The following POMZP3 variants were observed in gnomAD, a reference collection of about 807,000 sequenced individuals.
POMZP3 encodes POM121 and ZP3 fusion.
POMZP3 carries 10 observed loss-of-function variants against 19.8 expected under a neutral mutation model. That is an observed-to-expected ratio of 0.51 (90% CI 0.31 to 0.86). The LOEUF (loss-of-function observed/expected upper bound fraction) is 0.86, where lower values mean the gene tolerates loss of function less well. POMZP3 is among the 40% of genes least tolerant of loss of function. The pLI, the probability that POMZP3 is intolerant of heterozygous loss-of-function variation, is 0.04. For synonymous variants in POMZP3, 57 were observed against 85.8 expected (o/e 0.66, Z 1.85); for missense variants, 152 against 228.1 (o/e 0.67, Z 2.15).
chr7:76,618,462 A>G, intron 3 of POMZP3, 162 bp from the exon 4 acceptor site: 2 of 929,778 alleles, frequency 2.2e-6, no homozygotes, highest in Non-Finnish European at 3.3e-6. Flanking sequence ...TCTCTACTAA[A>G]AATACAAAAA....
rs761273614 is a variant in POMZP3 at position 76,625,556 on chromosome 7, G to C, written c.193C>G (p.Gln65Glu). The C allele has an allele frequency of 6.2e-7, 1 of 1,613,282 alleles. No individual in the cohort carries two copies. Among genetic ancestry groups the C allele is most frequent in the South Asian group, 1.1e-5 (1 of 91,030 alleles). The change falls in exon 3 of 7, where the codon CAA (glutamine) becomes GAA (glutamate). Residue 65 changes from glutamine to glutamate, a missense_variant. Coordinates refer to ENST00000310842, the MANE Select transcript of POMZP3 (RefSeq NM_012230.5). ...KKKRTVEEED[Q>E]IFLDGQENKR... is the part of the protein sequence containing the mutation. ...TTTTCCTGGCCATCAAGGAATATTTGGTCTTCTTCCTCCACTGTCCTTTTC... is the reference window on the plus strand; with the variant it reads ...TTTTCCTGGCCATCAAGGAATATTTCGTCTTCTTCCTCCACTGTCCTTTTC...
rs181572769 is a variant in POMZP3 at position 76,623,772 on chromosome 7, G to A, written c.227+1750C>T. Among the ~76,000 whole-genome samples the A allele has an allele frequency of 2.3e-3, 348 of 152,006 alleles. 4 individuals are homozygous for A. Among genetic ancestry groups the A allele is most frequent in the African/African-American group, 7.7e-3 (319 of 41,480 alleles). ...GCCAAGATCGTGCCATTTACACTCC[G>A]GCATGGCTGACAGAGCGAGAATCCG... On this transcript the variant is annotated intron_variant, in intron 3 of 6. Transcript: ENST00000310842.
Position 76,619,070 on chromosome 7 carries a change from G to A in POMZP3, c.228-770C>T, listed in dbSNP as rs189886010. Among the ~76,000 whole-genome samples, 382 of 152,252 alleles carry A rather than the reference G, an allele frequency of 2.5e-3. 3 individuals carry two copies. Among genetic ancestry groups the A allele is most frequent in the Middle Eastern group, 0.01 (3 of 294 alleles). On this transcript the variant is annotated intron_variant, in intron 3 of 6. Coordinates refer to ENST00000310842, the MANE Select transcript of POMZP3 (RefSeq NM_012230.5). The stretch of plus-strand genomic sequence containing the variant: ...CCTAAAGTGCTGAGATTACAGGCAT[G>A]AGCCACCACGCCTGACTGAATTTTT...
intron 4 of POMZP3, among the ~76,000 whole-genome samples, chr7:76,617,692 T>A: frequency 9.3e-6 from 1 of 107,268 alleles, no homozygotes. Context: ...CCTGCCTTTT[T>A]TTTTTTTTGG....
Position 76,613,588 on chromosome 7 carries a change from A to G in POMZP3, c.346-1775T>C, listed in dbSNP as rs1815196900. ...ACTGTAGCCACTACCTCCGAGGTTT[A>G]AGCGATTCTCTTGCCTCAGCCTCCC... On this transcript the variant is annotated intron_variant, in intron 4 of 6. Transcript: ENST00000310842. Among the ~76,000 whole-genome samples the G allele has an allele frequency of 2.6e-5, 2 of 76,704 alleles. 1 individual carries two copies. The highest frequency in any genetic ancestry group is 5.0e-5 in the Non-Finnish European group (2 of 39,862). 50.3% of individuals were successfully genotyped at this position (76,704 alleles called of 152,430 possible).
rs1009477523 is a variant in POMZP3, at chr7:76,623,161, C to T, written c.227+2361G>A. Among the ~76,000 whole-genome samples, 91 of 150,934 alleles carry T rather than the reference C, an allele frequency of 6.0e-4. 1 individual carries two copies. Among genetic ancestry groups the T allele is most frequent in the Non-Finnish European group, 1.2e-3 (78 of 67,662 alleles). ...TGCTGAAATTACAGGTGTGAGCCAC[C>T]GCACCCAGCCCAAATTGATTGTGGT... On this transcript the variant is annotated intron_variant, in intron 3 of 6. Transcript: ENST00000310842.
chr7:76,615,041 C>T (rs1815243168), intron 4 of POMZP3, among the ~76,000 whole-genome samples: 2 of 122,614 alleles, frequency 1.6e-5, no homozygotes, highest in African/African-American at 6.5e-5. Context: ...AGGGTTGTTC[C>T]TTCTTTGTGC....
At chr7:76,618,974 G>C (rs1310153086) in intron 3 of POMZP3, among the ~76,000 whole-genome samples, 1 of 152,068 alleles carries the variant, frequency 6.6e-6, no homozygotes, top group Non-Finnish European at 1.5e-5. Context: ...TTTTTGTCAA[G>C]ATAGGGTCTC....
chr7:76,610,409 T>C (rs549085387), intron 6 of POMZP3, among the ~76,000 whole-genome samples, 194 bp from the exon 7 acceptor site: 9 of 152,230 alleles, frequency 5.9e-5, no homozygotes, highest in South Asian at 2.1e-4. Flanking sequence ...CCAGCACTTT[T>C]TGGGAGGCTG....
At chr7:76,623,138 C>T (rs1815665347) in intron 3 of POMZP3, among the ~76,000 whole-genome samples, 2 of 151,690 alleles carry the variant, frequency 1.3e-5, no homozygotes, top group African/African-American at 4.8e-5. Context: ...TCCCAAAGTG[C>T]TGAAATTACA....
chr7:76,626,662 A>C, intron 1 of POMZP3, 46 bp downstream of exon 1: 1 of 1,370,936 alleles, frequency 7.3e-7, no homozygotes, highest in Non-Finnish European at 9.4e-7. Context: ...CTCGATTTCA[A>C]GCCAGCCGAG....
At position 76,627,272 on chromosome 7, in the gene POMZP3, G is replaced by A. The variant is rs1441420890; in HGVS notation, c.-716C>T. 4.6e-3 allele frequency: 6,230 copies of A among 1,346,698 alleles called. 345 individuals are homozygous for A. The highest frequency in any genetic ancestry group is 5.4e-3 in the Middle Eastern group (20 of 3,710). 83.4% of individuals were successfully genotyped at this position (1,346,698 alleles called of 1,614,324 possible). On this transcript the variant is annotated 5_prime_UTR_variant, in exon 1 of 7. Coordinates refer to ENST00000310842, the MANE Select transcript of POMZP3 (RefSeq NM_012230.5). ...AGACATCGCGGCTCCGCGCCGCGGA[G>A]GAGACTTAAATATCCCAGCGTGCAC...
At chr7:76,616,072 C>A (rs1315673578) in intron 4 of POMZP3, among the ~76,000 whole-genome samples, 2 of 106,418 alleles carry the variant, frequency 1.9e-5, no homozygotes, top group African/African-American at 7.6e-5. Context: ...ATAATGAGGT[C>A]AAGAGTTCAA....
chr7:76,611,493 C>T lies in POMZP3; in HGVS notation c.536G>A (p.Ser179Asn), dbSNP rs1422220835. The change falls in exon 6 of 7, where the codon AGC (serine) becomes AAC (asparagine). Residue 179 changes from serine (S) to asparagine (N), a missense_variant. Coordinates refer to ENST00000310842, the MANE Select transcript of POMZP3 (RefSeq NM_012230.5). ...CAGGGAAGCAGACGTGGACCACTGG[C>T]TCACGACACGAGGCTGCCTCCTGGA... The part of the protein sequence containing the change: ...SHSRRQPRVV[S>N]QWSTSASL 6.2e-7 allele frequency: 1 copy of T among 1,604,360 alleles called. No homozygotes were observed.
At chr7:76,621,757 G>A (rs138596315) in intron 3 of POMZP3, among the ~76,000 whole-genome samples, 15,699 of 151,386 alleles carry the variant, frequency 0.1, 1,332 homozygotes, top group African/African-American at 0.23. Flanking sequence ...TGGCTAACAC[G>A]GTGAAATCCC....
intron 6 of POMZP3, 44 bp downstream of exon 6, chr7:76,611,410 G>A (rs148426627): frequency 0.057 from 86,345 of 1,510,982 alleles, 4,397 homozygotes; most frequent in African/African-American, 0.22. Context: ...ACCCTCAACT[G>A]AGTAAGGGAC....
chr7:76,624,981 A>C (rs1485893794), intron 3 of POMZP3, among the ~76,000 whole-genome samples: 3 of 151,464 alleles, frequency 2.0e-5, no homozygotes, highest in Non-Finnish European at 2.9e-5. Context: ...AAATACAAAA[A>C]AATTAGCCGG....
At chr7:76,626,236 A>T (rs1815888069) in intron 1 of POMZP3, 21 bp from the exon 2 acceptor site, 1 of 1,526,964 alleles carries the variant, frequency 6.5e-7, no homozygotes, top group Non-Finnish European at 8.9e-7. Context: ...TGCGAGACAA[A>T]TCATGGAAAC....
At chr7:76,624,532 G>A (rs1247959179) in intron 3 of POMZP3, among the ~76,000 whole-genome samples, 7 of 150,898 alleles carry the variant, frequency 4.6e-5, no homozygotes, top group African/African-American at 9.7e-5. Flanking sequence ...TGCAACCTCC[G>A]CCTCCTGGGT....
Sources: gnomAD v4.1 joint callset for allele counts (sites outside exome capture counted in the v4.1 genomes callset) on GRCh38, gnomAD v4.1.1 for gene constraint, MANE v1.5 for transcripts, NCBI Gene and HGNC (gene_info 2026-07-23, HGNC 2026-07-21) for gene names.